The following PER3 variants were observed in gnomAD, a reference collection of about 807,000 sequenced individuals.
The protein encoded by PER3 is period circadian regulator 3, also known as period circadian protein homolog 3.
A neutral mutation model predicts 127.2 loss-of-function variants in PER3; 107 were observed. That is an observed-to-expected ratio of 0.84 (90% confidence interval 0.72 to 0.99). The LOEUF (loss-of-function observed/expected upper bound fraction) is 0.99, where lower values mean the gene tolerates loss of function less well. Among genes scored for constraint, PER3 ranks in the 50% least tolerant of loss-of-function variants. The probability of loss-of-function intolerance (pLI) is 0.00; values close to 1 mark genes in which losing one functional copy is unlikely to be tolerated. For missense variants in PER3, 1,560 were observed against 1,525.8 expected, an observed-to-expected ratio of 1.02 and a Z score of -0.37; for synonymous variants, 618 against 585.8, an observed-to-expected ratio of 1.05 and a Z score of -0.79.
At chr1:7,805,474 G>A (rs980137742) in intron 10 of PER3, among the ~76,000 whole-genome samples, 4 of 152,228 alleles carry the variant, frequency 2.6e-5, no homozygotes, top group South Asian at 2.1e-4. Flanking sequence ...TGGCCCCTCC[G>A]CAGAGCACGT....
In PER3 at chr1:7,809,996, G is replaced by C; in HGVS notation, c.1346G>C (p.Arg449Pro). 1 of 1,613,858 alleles carries C rather than the reference G, an allele frequency of 6.2e-7. No homozygotes were observed. The highest frequency in any genetic ancestry group is 8.5e-7 in the Non-Finnish European group (1 of 1,179,794). The part of the protein sequence containing the change: ...IASSSEASGH[R>P]VEETKAEQMT... ...TCCTCCAGTGAGGCCAGTGGGCACC[G>C]TGTGGAGGAGACGAAGGCGGAGCAG... The change falls in exon 12 of 22, where the codon CGT (arginine) becomes CCT (proline). Residue 449 changes from arginine (R) to proline (P), a missense_variant. By Grantham distance (103) the Arg-to-Pro change is moderately radical. Transcript: ENST00000377532.
chr1:7,785,076 C>T, intron 2 of PER3, 71 bp downstream of exon 2: 2 of 1,497,234 alleles, frequency 1.3e-6, no homozygotes, highest in Non-Finnish European at 1.8e-6. Context: ...AAAGGGGGAC[C>T]TAAATCTTTT....
chr1:7,794,964 G>C (rs1430934368), intron 6 of PER3, among the ~76,000 whole-genome samples: 1 of 151,996 alleles, frequency 6.6e-6, no homozygotes, highest in Non-Finnish European at 1.5e-5. Flanking sequence ...ATGACATTGT[G>C]ATTGCCAGTT....
At chr1:7,828,749 T>C (rs187457813) in intron 18 of PER3, among the ~76,000 whole-genome samples, 2 of 152,308 alleles carry the variant, frequency 1.3e-5, no homozygotes, top group East Asian at 3.9e-4. Context: ...TGTGTTTCCT[T>C]ATTAGGAAAA....
At chr1:7,825,648 T>C (rs1395707240) in intron 16 of PER3, among the ~76,000 whole-genome samples, 1 of 152,136 alleles carries the variant, frequency 6.6e-6, no homozygotes, top group Non-Finnish European at 1.5e-5. Flanking sequence ...TCCCAGCGCT[T>C]TGGGAGTCCA....
rs112048719 is a variant in PER3, at chr1:7,836,395, T to C, written c.3398+450T>C. On this transcript the variant is annotated intron_variant, in intron 20 of 21. Transcript: ENST00000377532. Reference sequence around the variant, plus strand: ...AATTTCCTCATGTTGGCCAGGTTGATCTTGAACTCCTGGCCTCAGGTGATC... The same window carrying C: ...AATTTCCTCATGTTGGCCAGGTTGACCTTGAACTCCTGGCCTCAGGTGATC... Among the ~76,000 whole-genome samples the C allele has an allele frequency of 6.2e-3, 951 of 152,292 alleles. 9 individuals carry two copies. The highest frequency in any genetic ancestry group is 0.022 in the African/African-American group (920 of 41,554).
chr1:7,799,921 A>G (rs1409546198), intron 7 of PER3, among the ~76,000 whole-genome samples: 1 of 151,914 alleles, frequency 6.6e-6, no homozygotes, highest in East Asian at 1.9e-4. Flanking sequence ...GGCACGCACC[A>G]TCACGCCTGA....
chr1:7,792,189 A>G (rs2097124786), intron 5 of PER3, among the ~76,000 whole-genome samples: 1 of 152,180 alleles, frequency 6.6e-6, no homozygotes, highest in Admixed American at 6.5e-5. Context: ...AGGCCTCAGG[A>G]AACTTAACAA....
At position 7,786,828 on chromosome 1, in the gene PER3, A is replaced by G. The variant is rs1238742410; in HGVS notation, c.382A>G (p.Lys128Glu). The G allele has an allele frequency of 1.3e-6, 2 of 1,576,414 alleles. No individual in the cohort carries two copies. Among genetic ancestry groups the G allele is most frequent in the East Asian group, 2.2e-5 (1 of 44,688 alleles). ...CACTATCGCTTCAGAACACACTTCC[A>G]AAAACACAGTAAGAATTCATGCATT... ...LATIASEHTSKNTDTFVAVFS... is the reference protein window; with the variant it reads ...LATIASEHTSENTDTFVAVFS... Residue 128 changes from lysine to glutamate, a missense_variant, in exon 4 of 22, where the codon AAA becomes GAA. Around this residue, in one of 3 missense-constraint regions of PER3, gnomAD observed 1,332 missense variants for 1,223.6 expected, o/e 1.09. Coordinates refer to ENST00000377532, the MANE Select transcript of PER3 (RefSeq NM_001377275.1).
At chr1:7,790,781 A>G (rs1241602148) in intron 5 of PER3, among the ~76,000 whole-genome samples, 1 of 152,146 alleles carries the variant, frequency 6.6e-6, no homozygotes, top group African/African-American at 2.4e-5. Context: ...CACCCATTTC[A>G]AATGGGAGAA....
intron 4 of PER3, 76 bp downstream of exon 4, chr1:7,786,912 G>C: frequency 1.2e-6 from 1 of 835,052 alleles, no homozygotes; most frequent in Non-Finnish European, 2.1e-6. Context: ...AGGCTTTTAA[G>C]AAGGATAACA....
At chr1:7,790,376 C>T (rs1370126793) in intron 5 of PER3, among the ~76,000 whole-genome samples, 2 of 152,102 alleles carry the variant, frequency 1.3e-5, no homozygotes, top group East Asian at 1.9e-4. Context: ...GGAGGAAGCC[C>T]TTTATAAAGC....
rs760029825 is a variant in PER3, at chr1:7,803,107, C to T, written c.933C>T (p.Tyr311=). 1.3e-5 allele frequency: 21 copies of T among 1,613,622 alleles called. No homozygotes were observed. The South Asian group carries it at 2.2e-4, about 17-fold the overall frequency. The change falls in exon 9 of 22, where the codon TAC becomes TAT. Residue 311 remains tyrosine (Y), a synonymous_variant. Coordinates refer to ENST00000377532, the MANE Select transcript of PER3 (RefSeq NM_001377275.1). ...QDLIGTSILS[Y]LHPEDRSLMV... Reference sequence around the variant, plus strand: ...TGATTGGAACATCGATCCTAAGCTACCTGCACCCTGAAGATCGTTCTCTGA... The same window carrying T: ...TGATTGGAACATCGATCCTAAGCTATCTGCACCCTGAAGATCGTTCTCTGA...
At chr1:7,787,150 C>A in intron 4 of PER3, 1 of 388,838 alleles carries the variant, frequency 2.6e-6, no homozygotes, top group Non-Finnish European at 3.9e-6. Context: ...ATTTCCTGCA[C>A]CTTATTCTAA....
intron 6 of PER3, among the ~76,000 whole-genome samples, chr1:7,797,973 G>T (rs943281872): frequency 2.0e-5 from 3 of 152,220 alleles, no homozygotes; most frequent in Non-Finnish European, 4.4e-5. Flanking sequence ...GACAGGGCTT[G>T]CTGAACTCGG....
Position 7,820,393 on chromosome 1 carries a change from G to A in PER3, c.1784-74G>A, listed in dbSNP as rs1464226486. ...TTTAATTTCTCAGTTACAAACTTCT[G>A]TAAACTGGGTCTTTTATGTAAATTT... On this transcript the variant is annotated intron_variant, in intron 15 of 21. Transcript: ENST00000377532. The A allele has an allele frequency of 4.7e-6, 7 of 1,477,546 alleles. No individual in the cohort carries two copies. In the African/African-American group the frequency reaches 5.6e-5, roughly 12 times the overall value. The allele number at this position is 1,477,546 out of a possible 1,614,324, so 91.5% of individuals were successfully genotyped here.
In PER3 at chr1:7,798,569, G is replaced by C. The variant is rs141738539; in HGVS notation, c.689G>C (p.Arg230Pro). ...RKQEKCHSPF[R>P]IIPYLIHVHH... The stretch of plus-strand genomic sequence containing the variant: ...CAAGAGAAGTGTCACTCCCCATTCC[G>C]GATCATCCCCTATCTGATTCATGTA... The change falls in exon 7 of 22, where the codon CGG becomes CCG. Residue 230 changes from arginine (R) to proline (P), a missense_variant. By Grantham distance (103) the Arg-to-Pro change is moderately radical (BLOSUM62 -2). Coordinates refer to ENST00000377532, the MANE Select transcript of PER3 (RefSeq NM_001377275.1). 2.5e-6 allele frequency: 4 copies of C among 1,613,056 alleles called. No homozygotes were observed. The African/African-American group carries it at 5.3e-5, about 22-fold the overall frequency.
intron 12 of PER3, 181 bp from the exon 13 acceptor site, chr1:7,810,257 T>C (rs1233219431): frequency 8.1e-6 from 5 of 618,642 alleles, no homozygotes; most frequent in African/African-American, 7.4e-5. Context: ...TGAACAGATT[T>C]ATTTAGAATT....
intron 18 of PER3, 56 bp from the exon 19 acceptor site, chr1:7,829,778 A>G (rs2097320919): frequency 2.2e-6 from 3 of 1,384,438 alleles, no homozygotes; most frequent in East Asian, 2.3e-5. Flanking sequence ...AAGGAGGACT[A>G]CTGTATTTTG....
Sources: allele counts gnomAD v4.1 joint callset (sites outside exome capture counted in the v4.1 genomes callset), GRCh38; gene constraint gnomAD v4.1.1; regional missense constraint gnomAD v4.1.1; transcripts MANE v1.5; gene names NCBI Gene and HGNC (gene_info 2026-07-23, HGNC 2026-07-21).